C6orf132: variants seen among roughly 807,000 people sequenced by gnomAD.
C6orf132 encodes the protein uncharacterized protein C6orf132.
A neutral mutation model predicts 65.3 loss-of-function variants in C6orf132; 43 were observed. That is an observed-to-expected ratio of 0.66 (90% CI 0.52 to 0.85). The LOEUF (loss-of-function observed/expected upper bound fraction) is 0.85, where lower values mean the gene tolerates loss of function less well. Among genes scored for constraint, C6orf132 ranks in the 40% least tolerant of loss-of-function variants. The pLI is 0.00. For synonymous variants in C6orf132, 631 were observed against 654.1 expected, an observed-to-expected ratio of 0.96 and a Z score of 0.54; for missense variants, 1,488 against 1,548.8, an observed-to-expected ratio of 0.96 and a Z score of 0.66.
chr6:42,132,864 A>AAAAAAAAAG (rs1300102491), intron 1 of C6orf132, among the ~76,000 whole-genome samples: 6 of 148,574 alleles, frequency 4.0e-5, no homozygotes, highest in African/African-American at 1.0e-4. Flanking sequence ...CTCAAAAAAA[A>AAAAAAAAAG]AAAAGAAAAG....
In C6orf132 at chr6:42,105,708, C is replaced by A. The variant is rs977052851; in HGVS notation, c.2204G>T (p.Gly735Val). Residue 735 changes from glycine to valine, a missense_variant, in exon 4 of 5, where the codon GGG (glycine) becomes GTG (valine). Physicochemically the swap from Gly to Val is moderately radical, Grantham distance 109 (BLOSUM62 -3). Coordinates refer to ENST00000341865, the MANE Select transcript of C6orf132 (RefSeq NM_001164446.3). The part of the protein sequence containing the change: ...VSTPSQARGE[G>V]SPSEATRLPT... Reference sequence around the variant, plus strand: ...CAGCCTAGTGGCCTCTGAGGGGGACCCCTCTCCCCTTGCCTGGGAGGGAGT... The same window carrying A: ...CAGCCTAGTGGCCTCTGAGGGGGACACCTCTCCCCTTGCCTGGGAGGGAGT... 2.0e-6 allele frequency: 3 copies of A among 1,537,178 alleles called. No individual in the cohort carries two copies. The African/African-American group carries it at 4.1e-5, about 21-fold the overall frequency.
At position 42,142,300 on chromosome 6, in the gene C6orf132, C is replaced by G. The variant is rs1267081551; in HGVS notation, c.145G>C (p.Asp49His). 1.9e-6 allele frequency: 3 copies of G among 1,550,106 alleles called. No homozygotes were observed. The highest frequency in any genetic ancestry group is 8.7e-7 in the Non-Finnish European group (1 of 1,146,542). The change falls in exon 1 of 5, where the codon GAT becomes CAT. Residue 49 changes from aspartate (D) to histidine (H), a missense_variant and splice_region_variant. Transcript: ENST00000341865. Reference sequence around the variant, plus strand: ...CGCCCTCCGTCCCCGGAGTACTCACCGAAGCCCCCGGTCCCCTCCTCCGGG... The same window carrying G: ...CGCCCTCCGTCCCCGGAGTACTCACGGAAGCCCCCGGTCCCCTCCTCCGGG... ...EAPEEGTGGF[D>H]GIYYGDNRFN...
At chr6:42,132,383 C>CGG (rs1766867403) in intron 1 of C6orf132, among the ~76,000 whole-genome samples, 1 of 151,598 alleles carries the variant, frequency 6.6e-6, no homozygotes, top group Non-Finnish European at 1.5e-5. Flanking sequence ...GGTGTGGTGG[C>CGG]ATGCACCTGT....
Position 42,105,371 on chromosome 6 carries a change from C to T in C6orf132, c.2541G>A (p.Gln847=), listed in dbSNP as rs1193404954. 1.3e-6 allele frequency: 2 copies of T among 1,536,280 alleles called. No individual in the cohort carries two copies. Among genetic ancestry groups the T allele is most frequent in the Non-Finnish European group, 1.7e-6 (2 of 1,146,646 alleles). Residue 847 remains glutamine, a synonymous_variant, in exon 4 of 5, where the codon CAG becomes CAA. Transcript: ENST00000341865. ...CTACAGACCTTCCCTTCTGAGCCCT[C>T]TGCCTGGCCGCCAGGAGCAGGGCCA... is the stretch of plus-strand genomic sequence containing the variant. ...SPMALLLAAR[Q]RAQKGRSVGA... is the part of the protein sequence containing the mutation.
intron 2 of C6orf132, among the ~76,000 whole-genome samples, chr6:42,116,555 T>G (rs1475444181): frequency 6.6e-6 from 1 of 152,112 alleles, no homozygotes; most frequent in Non-Finnish European, 1.5e-5. Context: ...TCCGCCTCAC[T>G]CCATTCTCCA....
chr6:42,128,054 A>T (rs1766792467), intron 2 of C6orf132, among the ~76,000 whole-genome samples: 1 of 151,034 alleles, frequency 6.6e-6, no homozygotes, highest in African/African-American at 2.4e-5. Flanking sequence ...CCTCCCGAGT[A>T]GCTGGGACTA....
intron 2 of C6orf132, among the ~76,000 whole-genome samples, chr6:42,119,341 CTTTTT>C (rs36124736): frequency 1.5e-4 from 12 of 78,222 alleles, no homozygotes; most frequent in Non-Finnish European, 1.6e-4. Context: ...AGCTTTCCAG[CTTTTT>C]TTTTTTTTTT....
intron 1 of C6orf132, among the ~76,000 whole-genome samples, chr6:42,140,952 C>A (rs1767020237): frequency 6.6e-6 from 1 of 152,238 alleles, no homozygotes; most frequent in South Asian, 2.1e-4. Context: ...ACTTGCCCTG[C>A]TCCTCCTGGT....
chr6:42,109,593 A>G (rs2127474291), intron 3 of C6orf132, among the ~76,000 whole-genome samples: 1 of 152,266 alleles, frequency 6.6e-6, no homozygotes, highest in Non-Finnish European at 1.5e-5. Flanking sequence ...CAAGGCGGAA[A>G]TGTGCCTGGG....
At chr6:42,108,001 C>A (rs58448058) in intron 3 of C6orf132, among the ~76,000 whole-genome samples, 1 of 152,178 alleles carries the variant, frequency 6.6e-6, no homozygotes, top group Non-Finnish European at 1.5e-5. Flanking sequence ...CAGGTCCTGT[C>A]GGGGTGTCCC....
Position 42,102,056 on chromosome 6 carries a change from C to G in C6orf132, c.*1705G>C, listed in dbSNP as rs1766293439. 6.6e-6 allele frequency: 1 copy of G among 152,134 alleles called. No homozygotes were observed. The highest frequency in any genetic ancestry group is 2.4e-5 in the African/African-American group (1 of 41,404). The allele number at this position is 152,134 out of a possible 1,614,324, so 9.4% of individuals were successfully genotyped here. A position where few individuals can be genotyped will look rare whatever the true frequency, so the allele number is the denominator to read the frequency against. On this transcript the variant is annotated 3_prime_UTR_variant, in exon 5 of 5. Transcript: ENST00000341865. ...CCACCAGTACCTGAAGATAGGGAAG[C>G]AAGACCAAGGAATATTGTTTCCTGA...
intron 1 of C6orf132, among the ~76,000 whole-genome samples, chr6:42,137,335 G>A (rs1384650361): frequency 6.6e-6 from 1 of 152,132 alleles, no homozygotes; most frequent in Non-Finnish European, 1.5e-5. Context: ...GGCGGCGGAG[G>A]GTGTATATGT....
chr6:42,105,759 T>C lies in C6orf132; in HGVS notation c.2153A>G (p.Glu718Gly). Residue 718 changes from glutamate (E) to glycine (G), a missense_variant, in exon 4 of 5, where the codon GAG becomes GGG. Physicochemically the swap from Glu to Gly is moderately conservative, Grantham distance 98. Coordinates refer to ENST00000341865, the MANE Select transcript of C6orf132 (RefSeq NM_001164446.3). ...EKDSGPAGQP[E>G]KPASQEVSTP... ...GGAAACTTCTTGAGATGCTGGCTTC[T>C]CTGGCTGGCCAGCTGGGCCTGAGTC... The C allele has an allele frequency of 6.5e-7, 1 of 1,537,332 alleles. No individual in the cohort carries two copies. Among genetic ancestry groups the C allele is most frequent in the East Asian group, 2.4e-5 (1 of 40,924 alleles).
intron 1 of C6orf132, among the ~76,000 whole-genome samples, chr6:42,129,569 TC>T (rs1165485146): frequency 4.6e-4 from 70 of 152,254 alleles, no homozygotes; most frequent in African/African-American, 1.6e-3. Context: ...TGAAGGACCT[TC>T]CTCTTCCTCC....
Position 42,106,160 on chromosome 6 carries a change from G to A in C6orf132, c.1752C>T (p.Pro584=), listed in dbSNP as rs1266063700. 9 of 1,537,206 alleles carry A rather than the reference G, an allele frequency of 5.9e-6. No homozygotes were observed. Among genetic ancestry groups the A allele is most frequent in the Middle Eastern group, 1.7e-4 (1 of 5,990 alleles). Residue 584 remains proline, a synonymous_variant, in exon 4 of 5, where the codon CCC becomes CCT. Transcript: ENST00000341865. ...LSSAAEKEAK[P]SIGSLPPKPR... ...GCTTAGGGGGCAGAGATCCTATGCT[G>A]GGCTTAGCCTCCTTCTCTGCTGCTG... is the stretch of plus-strand genomic sequence containing the variant.
intron 2 of C6orf132, among the ~76,000 whole-genome samples, chr6:42,111,946 A>G (rs1237852222): frequency 1.3e-5 from 2 of 152,030 alleles, no homozygotes; most frequent in Non-Finnish European, 2.9e-5. Context: ...ACCTGGCCTC[A>G]TGCTTCCCAG....
intron 2 of C6orf132, among the ~76,000 whole-genome samples, chr6:42,117,128 AC>A (rs1270334823): frequency 1.3e-5 from 2 of 152,014 alleles, no homozygotes; most frequent in Non-Finnish European, 2.9e-5. Context: ...CTTCTTGGCA[AC>A]CCCAGCCAGA....
chr6:42,107,232 G>C lies in C6orf132; in HGVS notation c.680C>G (p.Pro227Arg). ...PAPPLAFLAP[P>R]PPPVPAPAPP... ...TGCTGGGGCTGGCACAGGAGGCGGTGGGGGGGCTAGAAAGGCCAAGGGTGG... is the reference window on the plus strand; with the variant it reads ...TGCTGGGGCTGGCACAGGAGGCGGTCGGGGGGCTAGAAAGGCCAAGGGTGG... The change falls in exon 4 of 5, where the codon CCA becomes CGA. Residue 227 changes from proline to arginine, a missense_variant. Physicochemically the swap from Pro to Arg is moderately radical, Grantham distance 103. Coordinates refer to ENST00000341865, the MANE Select transcript of C6orf132 (RefSeq NM_001164446.3). 29 of 1,390,738 alleles carry C rather than the reference G, an allele frequency of 2.1e-5. No individual in the cohort carries two copies. The highest frequency in any genetic ancestry group is 3.0e-5 in the Admixed American group (1 of 33,554). 86.1% of individuals were successfully genotyped at this position (1,390,738 alleles called of 1,614,324 possible).
At chr6:42,129,719 G>C (rs560688642) in intron 1 of C6orf132, among the ~76,000 whole-genome samples, 2 of 152,272 alleles carry the variant, frequency 1.3e-5, no homozygotes, top group African/African-American at 2.4e-5. Flanking sequence ...CCCTTGGCAG[G>C]GATCGCTGTG....
Sources: allele counts gnomAD v4.1 joint callset (sites outside exome capture counted in the v4.1 genomes callset), GRCh38; gene constraint gnomAD v4.1.1; transcripts MANE v1.5; gene names NCBI Gene and HGNC (gene_info 2026-07-23, HGNC 2026-07-21).